Variants in ARHGAP32 observed in about 807,000 individuals in gnomAD.
ARHGAP32 encodes Rho GTPase activating protein 32, also known as rho GTPase-activating protein 32.
In ARHGAP32, 51 loss-of-function variants were observed where a neutral mutation model predicts 186.5. That is an observed-to-expected ratio of 0.27 (90% confidence interval 0.22 to 0.35). The LOEUF (loss-of-function observed/expected upper bound fraction) is 0.35. Among genes scored for constraint, ARHGAP32 ranks in the 10% least tolerant of loss-of-function variants. The probability of loss-of-function intolerance (pLI) is 1.00; values close to 1 mark genes in which losing one functional copy is unlikely to be tolerated. For missense variants in ARHGAP32, 2,186 were observed against 2,623.5 expected (o/e 0.83, Z 3.64); for synonymous variants, 950 against 964.3 (o/e 0.99, Z 0.27).
chr11:129,190,708 C>T (rs1216575320), intron 1 of ARHGAP32, among the ~76,000 whole-genome samples: 1 of 152,098 alleles, frequency 6.6e-6, no homozygotes, highest in Non-Finnish European at 1.5e-5. Context: ...TGACAAATAC[C>T]CAAATAACTT....
intron 1 of ARHGAP32, among the ~76,000 whole-genome samples, chr11:129,240,034 C>G (rs1027187232): frequency 2.6e-4 from 40 of 152,116 alleles, no homozygotes; most frequent in African/African-American, 8.9e-4. Context: ...AATAATTTCC[C>G]CTATACTTTT....
chr11:129,167,581 T>C (rs752184167), intron 1 of ARHGAP32, among the ~76,000 whole-genome samples: 5 of 152,148 alleles, frequency 3.3e-5, no homozygotes, highest in East Asian at 1.9e-4. Context: ...GGGATAAACA[T>C]TGAAAACATT....
Position 129,030,971 on chromosome 11 carries a change from G to A in ARHGAP32, c.1045+9957C>T, listed in dbSNP as rs142017126. ...CACATGAGGTGCCTGCTCCCACTTCGCTTTCAACCATAAGTAAATGCTCCC... is the reference window on the plus strand; with the variant it reads ...CACATGAGGTGCCTGCTCCCACTTCACTTTCAACCATAAGTAAATGCTCCC... On this transcript the variant is annotated intron_variant, in intron 11 of 22. Coordinates refer to ENST00000682385, the MANE Select transcript of ARHGAP32 (RefSeq NM_001378024.1). Among the ~76,000 whole-genome samples the A allele has an allele frequency of 9.9e-4, 151 of 152,252 alleles. 1 individual carries two copies. Among genetic ancestry groups the A allele is most frequent in the African/African-American group, 3.4e-3 (141 of 41,530 alleles).
chr11:128,973,043 G>C lies in ARHGAP32; in HGVS notation c.3463C>G (p.Gln1155Glu), dbSNP rs1226593501. 1 of 1,614,096 alleles carries C rather than the reference G, an allele frequency of 6.2e-7. No homozygotes were observed. Among genetic ancestry groups the C allele is most frequent in the Admixed American group, 1.7e-5 (1 of 60,010 alleles). Residue 1155 changes from glutamine to glutamate, a missense_variant, in exon 22 of 23, where the codon CAA becomes GAA. By Grantham distance (29) the Gln-to-Glu change is conservative. This residue lies in a region of ARHGAP32 where 1,502 missense variants were observed against 1,570.0 expected (regional missense o/e 0.96). Transcript: ENST00000682385. Reference protein sequence around the residue: ...THSNTTESGEQHHQVDLTGNQ... With the variant: ...THSNTTESGEEHHQVDLTGNQ... ...CCTGTTAAGTCTACTTGGTGATGTT[G>C]CTCCCCAGATTCAGTTGTGTTGGAA...
intron 1 of ARHGAP32, among the ~76,000 whole-genome samples, chr11:129,190,833 A>G (rs533555279): frequency 1.3e-5 from 2 of 152,342 alleles, no homozygotes; most frequent in South Asian, 4.1e-4. Flanking sequence ...GTGACTAACA[A>G]TTAGCATACC....
intron 20 of ARHGAP32, 54 bp downstream of exon 20, chr11:128,976,509 T>C (rs1945545207): frequency 7.2e-7 from 1 of 1,379,622 alleles, no homozygotes; most frequent in African/African-American, 1.4e-5. Context: ...TCAATTGCAG[T>C]ATTCCTTTAT....
chr11:129,169,855 C>G (rs1159653261), intron 1 of ARHGAP32, among the ~76,000 whole-genome samples: 6 of 151,950 alleles, frequency 3.9e-5, no homozygotes, highest in Non-Finnish European at 8.8e-5. Flanking sequence ...TTTAAACATA[C>G]AAGCCAAAGA....
chr11:128,996,144 C>T (rs144499230), intron 12 of ARHGAP32, among the ~76,000 whole-genome samples: 1 of 151,996 alleles, frequency 6.6e-6, no homozygotes, highest in African/African-American at 2.4e-5. Context: ...TAATATTTAC[C>T]AAAGTAAAAT....
intron 1 of ARHGAP32, among the ~76,000 whole-genome samples, chr11:129,210,187 A>T (rs1238535083): frequency 6.6e-6 from 1 of 152,248 alleles, no homozygotes; most frequent in African/African-American, 2.4e-5. Flanking sequence ...ATGTCAGAAG[A>T]CAAACACTTT....
intron 11 of ARHGAP32, among the ~76,000 whole-genome samples, chr11:129,039,542 T>C (rs1350910781): frequency 2.0e-5 from 3 of 152,066 alleles, no homozygotes; most frequent in Non-Finnish European, 4.4e-5. Flanking sequence ...AGACAGAAAG[T>C]AGACAAGTGG....
At chr11:129,211,391 A>G (rs1356867397) in intron 1 of ARHGAP32, among the ~76,000 whole-genome samples, 1 of 152,214 alleles carries the variant, frequency 6.6e-6, no homozygotes, top group Non-Finnish European at 1.5e-5. Flanking sequence ...TTTTGAACCA[A>G]TATCAATATT....
chr11:129,160,537 A>T (rs1245665409), intron 2 of ARHGAP32, among the ~76,000 whole-genome samples: 1 of 151,488 alleles, frequency 6.6e-6, no homozygotes, highest in Non-Finnish European at 1.5e-5. Flanking sequence ...AGGATGATAA[A>T]ATACCTAGGA....
At chr11:129,278,933 G>A (rs987880347) in intron 1 of ARHGAP32, among the ~76,000 whole-genome samples, 3 of 148,162 alleles carry the variant, frequency 2.0e-5, no homozygotes, top group African/African-American at 7.3e-5. Context: ...GGGCGCGGGA[G>A]GCGGTGGGCC....
At chr11:129,221,131 C>T (rs1022258840) in intron 1 of ARHGAP32, among the ~76,000 whole-genome samples, 10 of 151,778 alleles carry the variant, frequency 6.6e-5, no homozygotes, top group South Asian at 4.2e-4. Flanking sequence ...CTGAGGACAC[C>T]GATATTTTCA....
Position 128,970,133 on chromosome 11 carries a change from G to A in ARHGAP32, c.5080C>T (p.Pro1694Ser). 3 of 1,614,220 alleles carry A rather than the reference G, an allele frequency of 1.9e-6. No individual in the cohort carries two copies. Among genetic ancestry groups the A allele is most frequent in the East Asian group, 2.2e-5 (1 of 44,884 alleles). The change falls in exon 23 of 23, where the codon CCC becomes TCC. Residue 1694 changes from proline to serine, a missense_variant. This residue lies in a region of ARHGAP32 where 1,502 missense variants were observed against 1,570.0 expected (regional missense o/e 0.96). Transcript: ENST00000682385. The surrounding 1 kb of genome is among the most constrained non-coding windows in gnomAD (Gnocchi z 5.8). ...TCTCGATTGGGAAGGCGGTGAAGGG[G>A]TCTCAACTGGACTGTGCCATAGGCA... ...VDAYGTVQLR[P>S]LHRLPNRDFA...
intron 1 of ARHGAP32, among the ~76,000 whole-genome samples, chr11:129,226,524 CCT>C (rs1344286524): frequency 2.0e-5 from 3 of 152,196 alleles, no homozygotes; most frequent in East Asian, 1.9e-4. Context: ...TCATTTTCCC[CCT>C]TTCTTCCCTC....
intron 11 of ARHGAP32, among the ~76,000 whole-genome samples, chr11:129,020,806 T>C (rs1041568547): frequency 6.6e-6 from 1 of 151,968 alleles, no homozygotes; most frequent in African/African-American, 2.4e-5. Context: ...ATAAATTGAG[T>C]CTTGAATTTT....
intron 1 of ARHGAP32, among the ~76,000 whole-genome samples, chr11:129,173,539 C>T (rs1281400249): frequency 3.3e-5 from 5 of 152,096 alleles, no homozygotes; most frequent in Non-Finnish European, 5.9e-5. Context: ...CAGGCCAATA[C>T]CTCTGATGAA....
In ARHGAP32 at chr11:129,164,236, T is replaced by C; in HGVS notation, c.225+83A>G. ...CAAAGCAACAAAATTTTTTGTGTAA[T>C]GTGTCCTCAGTTCCTTTTCCTTATA... is the stretch of plus-strand genomic sequence containing the variant. On this transcript the variant is annotated intron_variant, in intron 2 of 22. Transcript: ENST00000682385. 3.6e-6 allele frequency: 3 copies of C among 842,464 alleles called. No individual in the cohort carries two copies. In the South Asian group the frequency reaches 6.1e-5, roughly 17 times the overall value. 52.2% of individuals were successfully genotyped at this position (842,464 alleles called of 1,614,324 possible).
Sources: gnomAD v4.1 joint callset for allele counts (sites outside exome capture counted in the v4.1 genomes callset) on GRCh38, gnomAD v4.1.1 for gene constraint, gnomAD v4.1.1 regional missense constraint, Gnocchi (gnomAD v3.1) non-coding constraint, MANE v1.5 for transcripts, NCBI Gene and HGNC (gene_info 2026-07-23, HGNC 2026-07-21) for gene names.